The following MTUS2 variants were observed in gnomAD, a reference collection of about 807,000 sequenced individuals.
The protein encoded by MTUS2 is microtubule associated scaffold protein 2.
Under a neutral mutation model 114.1 loss-of-function variants are expected in MTUS2, and 40 were observed. That is an observed-to-expected ratio of 0.35 (90% CI 0.27 to 0.46). The LOEUF is 0.46. MTUS2 is among the 20% of genes least tolerant of loss of function. The probability of loss-of-function intolerance (pLI) is 1.00; values close to 1 mark genes in which losing one functional copy is unlikely to be tolerated. For missense variants in MTUS2, 1,679 were observed against 1,705.4 expected (o/e 0.98, Z 0.27); for synonymous variants, 688 against 672.0 (o/e 1.02, Z -0.37).
rs151215890 is a variant in MTUS2 at position 29,064,016 on chromosome 13, G to A, written c.2446+29891G>A. Among the ~76,000 whole-genome samples, 343 of 152,300 alleles carry A rather than the reference G, an allele frequency of 2.3e-3. 1 individual carries two copies. Among genetic ancestry groups the A allele is most frequent in the African/African-American group, 7.8e-3 (325 of 41,574 alleles). On this transcript the variant is annotated intron_variant, in intron 4 of 15. Coordinates refer to ENST00000612955, the MANE Select transcript of MTUS2 (RefSeq NM_001033602.4). ...CTCAGTGATAGAAAGCATGAGGCCT[G>A]GGGGCGCATTGATTCATTCTGTTAA...
rs776888178 is a variant in MTUS2 at position 29,293,306 on chromosome 13, C to G, written c.2806+11441C>G. ...AAGATATGAATGCATATTTTACACA[C>G]TAGAAGTACAAAGTGGTCAATGGCT... On this transcript the variant is annotated intron_variant, in intron 6 of 15. Coordinates refer to ENST00000612955, the MANE Select transcript of MTUS2 (RefSeq NM_001033602.4). Among the ~76,000 whole-genome samples, 9 of 152,064 alleles carry G rather than the reference C, an allele frequency of 5.9e-5. No individual in the cohort carries two copies. In the South Asian group the frequency reaches 6.2e-4, roughly 11 times the overall value.
At position 29,446,767 on chromosome 13, in the gene MTUS2, C is replaced by T. The variant is rs138644137; in HGVS notation, c.3184+6718C>T. Among the ~76,000 whole-genome samples, 1,243 of 152,166 alleles carry T rather than the reference C, an allele frequency of 8.2e-3. 8 individuals are homozygous for T. Among genetic ancestry groups the T allele is most frequent in the Non-Finnish European group, 0.013 (883 of 68,002 alleles). ...TTCATCTTAGTGTTGCTAGGGTTGCCTTATAAAGAGGAAATTAAATTTTCT... is the reference window on the plus strand; with the variant it reads ...TTCATCTTAGTGTTGCTAGGGTTGCTTTATAAAGAGGAAATTAAATTTTCT... On this transcript the variant is annotated intron_variant, in intron 9 of 15. Coordinates refer to ENST00000612955, the MANE Select transcript of MTUS2 (RefSeq NM_001033602.4).
At chr13:28,994,940 C>T (rs1163647767) in intron 2 of MTUS2, among the ~76,000 whole-genome samples, 5 of 151,988 alleles carry the variant, frequency 3.3e-5, no homozygotes, top group Non-Finnish European at 7.4e-5. Context: ...CTTTTGTTGC[C>T]ATTGCTTTTG....
At chr13:28,997,792 G>A (rs558623320) in intron 2 of MTUS2, among the ~76,000 whole-genome samples, 18 of 152,070 alleles carry the variant, frequency 1.2e-4, no homozygotes, top group African/African-American at 2.9e-4. Flanking sequence ...GTCTCTGCAC[G>A]TGAGATGGGT....
chr13:28,969,707 G>A (rs145380910), intron 2 of MTUS2, among the ~76,000 whole-genome samples: 17,636 of 151,950 alleles, frequency 0.12, 1,379 homozygotes, highest in East Asian at 0.22. Flanking sequence ...GTTCTACCAT[G>A]TTGGCCAGGA....
chr13:29,390,755 G>GAT (rs1873377468), intron 8 of MTUS2, among the ~76,000 whole-genome samples: 1 of 110,000 alleles, frequency 9.1e-6, no homozygotes, highest in Non-Finnish European at 2.0e-5. Context: ...CCCACCAAAT[G>GAT]GTGATGATGA....
intron 5 of MTUS2, among the ~76,000 whole-genome samples, chr13:29,206,576 A>T (rs1895194826): frequency 6.6e-6 from 1 of 152,018 alleles, no homozygotes; most frequent in South Asian, 2.1e-4. Flanking sequence ...TCTTGAGTTG[A>T]TTTTTTTATA....
chr13:28,951,704 C>A (rs1170183320), intron 2 of MTUS2, among the ~76,000 whole-genome samples: 1 of 151,902 alleles, frequency 6.6e-6, no homozygotes, highest in Admixed American at 6.6e-5. Context: ...GAGGCTGAGG[C>A]ACGAGAATTG....
chr13:29,086,404 G>A (rs1293196608), intron 4 of MTUS2, among the ~76,000 whole-genome samples: 1 of 151,934 alleles, frequency 6.6e-6, no homozygotes, highest in Admixed American at 6.6e-5. Flanking sequence ...GGTTTTTATA[G>A]GTATTACATT....
At chr13:28,945,245 T>G (rs1882464484) in intron 2 of MTUS2, among the ~76,000 whole-genome samples, 1 of 151,826 alleles carries the variant, frequency 6.6e-6, no homozygotes, top group Non-Finnish European at 1.5e-5. Flanking sequence ...TTAGGTTGAT[T>G]CCATATCTTT....
intron 5 of MTUS2, among the ~76,000 whole-genome samples, chr13:29,202,895 G>A (rs1273796871): frequency 6.6e-6 from 1 of 152,156 alleles, no homozygotes. Context: ...GTCCCAGAAG[G>A]GCACCTGCCA....
intron 4 of MTUS2, among the ~76,000 whole-genome samples, chr13:29,093,477 C>T (rs115563420): frequency 1.9e-3 from 282 of 152,160 alleles, no homozygotes; most frequent in African/African-American, 6.4e-3. Context: ...GGAGTCTGAT[C>T]GTTTATGATA....
intron 5 of MTUS2, among the ~76,000 whole-genome samples, chr13:29,105,530 CTCT>C (rs1463979982): frequency 2.6e-5 from 4 of 152,134 alleles, no homozygotes; most frequent in Non-Finnish European, 5.9e-5. Context: ...CCAGTTTCTC[CTCT>C]TCTTCCTCTC....
chr13:29,132,634 T>C (rs571922899), intron 5 of MTUS2, among the ~76,000 whole-genome samples: 1 of 152,376 alleles, frequency 6.6e-6, no homozygotes, highest in East Asian at 1.9e-4. Flanking sequence ...CTGACTTATT[T>C]CACTTATATA....
At chr13:28,953,361 T>G (rs566397764) in intron 2 of MTUS2, among the ~76,000 whole-genome samples, 1 of 152,140 alleles carries the variant, frequency 6.6e-6, no homozygotes, top group East Asian at 1.9e-4. Flanking sequence ...ATACAAAAAT[T>G]AGCCGGGCAT....
chr13:29,380,505 G>A (rs918589316), intron 8 of MTUS2, among the ~76,000 whole-genome samples: 5 of 152,228 alleles, frequency 3.3e-5, no homozygotes, highest in African/African-American at 7.2e-5. Flanking sequence ...CCAGTGAGTC[G>A]TGATGTGTTG....
At chr13:28,970,895 G>A (rs373591965) in intron 2 of MTUS2, among the ~76,000 whole-genome samples, 3 of 152,324 alleles carry the variant, frequency 2.0e-5, no homozygotes, top group South Asian at 2.1e-4. Context: ...AGGGTCCACC[G>A]TGCTCATGCT....
intron 7 of MTUS2, among the ~76,000 whole-genome samples, chr13:29,357,704 A>C (rs1291971858): frequency 6.6e-6 from 1 of 152,216 alleles, no homozygotes; most frequent in Non-Finnish European, 1.5e-5. Context: ...GTTTTCTGGA[A>C]TATTATGTAT....
At chr13:28,835,452 G>A (rs1402141876) in intron 1 of MTUS2, among the ~76,000 whole-genome samples, 1 of 152,112 alleles carries the variant, frequency 6.6e-6, no homozygotes, top group Non-Finnish European at 1.5e-5. Context: ...TTCAGAATAG[G>A]CAAATTCAAG....
Sources: gnomAD v4.1 joint callset for allele counts (sites outside exome capture counted in the v4.1 genomes callset) on GRCh38, gnomAD v4.1.1 for gene constraint, MANE v1.5 for transcripts, NCBI Gene and HGNC (gene_info 2026-07-23, HGNC 2026-07-21) for gene names.